Variants in MTMR6 observed in about 807,000 individuals in gnomAD.
MTMR6 encodes phosphatidylinositol-3,5-bisphosphate 3-phosphatase MTMR6.
A neutral mutation model predicts 80.1 loss-of-function variants in MTMR6; 47 were observed. That is an observed-to-expected ratio of 0.59 (90% CI 0.46 to 0.75). MTMR6 has a LOEUF of 0.75. MTMR6 is among the 30% of genes least tolerant of loss of function. MTMR6 has a pLI of 0.00. For missense variants in MTMR6, 629 were observed against 730.9 expected, an observed-to-expected ratio of 0.86 and a Z score of 1.61; for synonymous variants, 254 against 253.0, an observed-to-expected ratio of 1.00 and a Z score of -0.04.
In MTMR6 at chr13:25,251,880, T is replaced by C. The variant is rs764158169; in HGVS notation, c.1451A>G (p.Glu484Gly). 1.9e-6 allele frequency: 3 copies of C among 1,608,098 alleles called. No individual in the cohort carries two copies. The South Asian group carries it at 3.4e-5, about 18-fold the overall frequency. ...SSESHRFTVL[E>G]PNTVSFNFKF... ...AAAATTGAAAGATACTGTATTTGGC[T>C]CCAAAACTGTAAATCTGTGAGATTC... The change falls in exon 12 of 14, where the codon GAG becomes GGG. Residue 484 changes from glutamate to glycine, a missense_variant. Physicochemically the swap from Glu to Gly is moderately conservative, Grantham distance 98. Transcript: ENST00000381801. This position sits in a 1 kb window ranked among gnomAD's most constrained non-coding sequence, Gnocchi z 4.1.
chr13:25,274,933 T>TGGAC (rs142061315), intron 1 of MTMR6, among the ~76,000 whole-genome samples: 2 of 124,490 alleles, frequency 1.6e-5, no homozygotes, highest in African/African-American at 6.6e-5. Flanking sequence ...TGAATACTAG[T>TGGAC]AGACAGACAC....
At chr13:25,271,810 G>A (rs1957583323) in intron 2 of MTMR6, among the ~76,000 whole-genome samples, 1 of 152,138 alleles carries the variant, frequency 6.6e-6, no homozygotes, top group Admixed American at 6.5e-5. Context: ...GAAACACACT[G>A]TATATGCTCA....
Position 25,260,168 on chromosome 13 carries a change from ATTC to A in MTMR6, c.727-1479_727-1477del, listed in dbSNP as rs573689293. Among the ~76,000 whole-genome samples the A allele has an allele frequency of 6.2e-3, 909 of 146,564 alleles. 11 individuals are homozygous for A. Among genetic ancestry groups the A allele is most frequent in the African/African-American group, 0.021 (839 of 39,480 alleles). On this transcript the variant is annotated intron_variant, in intron 6 of 13. Coordinates refer to ENST00000381801, the MANE Select transcript of MTMR6 (RefSeq NM_004685.5). ...GTGAGCCACCATGTCCAGCCAGATA[ATTC>A]TTTTTTTTTTTTTTGAGACGGAGTT...
intron 2 of MTMR6, among the ~76,000 whole-genome samples, chr13:25,269,830 C>T (rs1434630000): frequency 6.6e-6 from 1 of 152,056 alleles, no homozygotes; most frequent in Non-Finnish European, 1.5e-5. Context: ...CACACACACA[C>T]ACATATATAG....
intron 2 of MTMR6, among the ~76,000 whole-genome samples, chr13:25,273,548 CAG>C (rs1957631391): frequency 7.5e-6 from 1 of 133,068 alleles, no homozygotes; most frequent in African/African-American, 2.8e-5. Flanking sequence ...TTTTTTGAGA[CAG>C]AGTCTCACAC....
chr13:25,258,522 T>C (rs377452003), intron 7 of MTMR6, 38 bp downstream of exon 7: 6 of 1,523,454 alleles, frequency 3.9e-6, no homozygotes, highest in Admixed American at 2.4e-5. Context: ...TAGATTTCTT[T>C]TGGACAAGGG....
intron 2 of MTMR6, 55 bp from the exon 3 acceptor site, chr13:25,267,996 T>C: frequency 1.4e-6 from 2 of 1,467,090 alleles, no homozygotes; most frequent in Non-Finnish European, 1.8e-6. Flanking sequence ...AAATATTCTC[T>C]TCTAGAATGC....
Position 25,253,965 on chromosome 13 carries a change from C to G in MTMR6, c.1146-1G>C, listed in dbSNP as rs764899538. On this transcript the variant is annotated splice_acceptor_variant, in intron 10 of 13. Coordinates refer to ENST00000381801, the MANE Select transcript of MTMR6 (RefSeq NM_004685.5). LOFTEE classifies it high-confidence loss of function. ...TGGGTCACCATCCAACTGGCCACAC[C>G]TAACCCCACAGAAAGTATAAGCTTT... 1 of 1,614,046 alleles carries G rather than the reference C, an allele frequency of 6.2e-7. No individual in the cohort carries two copies. Among genetic ancestry groups the G allele is most frequent in the Non-Finnish European group, 8.5e-7 (1 of 1,179,948 alleles).
Position 25,251,776 on chromosome 13 carries a change from C to G in MTMR6, c.1479-1G>C, listed in dbSNP as rs758271738. The G allele has an allele frequency of 6.2e-7, 1 of 1,606,480 alleles. No homozygotes were observed. The highest frequency in any genetic ancestry group is 8.5e-7 in the Non-Finnish European group (1 of 1,177,414). ...TTGATGGTACATGTTCCTCCAAAAC[C>G]TTTATGACAAAAAAAAGTTTCAATA... On this transcript the variant is annotated splice_acceptor_variant, in intron 12 of 13. Coordinates refer to ENST00000381801, the MANE Select transcript of MTMR6 (RefSeq NM_004685.5). LOFTEE classifies it high-confidence loss of function. The surrounding 1 kb of genome is among the most constrained non-coding windows in gnomAD (Gnocchi z 4.1).
intron 9 of MTMR6, among the ~76,000 whole-genome samples, chr13:25,255,926 T>C (rs1957197952): frequency 6.6e-6 from 1 of 152,224 alleles, no homozygotes; most frequent in Non-Finnish European, 1.5e-5. Flanking sequence ...TCATAAGTTA[T>C]CATAATAGTG....
intron 6 of MTMR6, among the ~76,000 whole-genome samples, chr13:25,258,927 T>C (rs974395558): frequency 6.6e-6 from 1 of 152,178 alleles, no homozygotes. Flanking sequence ...AAAGTTCCCA[T>C]AAGTTCATGA....
chr13:25,258,018 T>C (rs1957253205), intron 7 of MTMR6, among the ~76,000 whole-genome samples, 173 bp from the exon 8 acceptor site: 1 of 152,234 alleles, frequency 6.6e-6, no homozygotes, highest in Admixed American at 6.5e-5. Context: ...GATATATTTT[T>C]CTATTATTCC....
At position 25,265,818 on chromosome 13, in the gene MTMR6, C is replaced by G; in HGVS notation, c.591+1G>C. On this transcript the variant is annotated splice_donor_variant, in intron 5 of 13. Transcript: ENST00000381801. LOFTEE classifies it high-confidence loss of function. Reference sequence around the variant, plus strand: ...CTAAAATCAAAAGAAAAGCATCCTACCTCCTTATCTTGATGATAGTAGGAA... The same window carrying G: ...CTAAAATCAAAAGAAAAGCATCCTAGCTCCTTATCTTGATGATAGTAGGAA... 1 of 1,610,240 alleles carries G rather than the reference C, an allele frequency of 6.2e-7. No homozygotes were observed. The highest frequency in any genetic ancestry group is 1.1e-5 in the South Asian group (1 of 90,732).
rs1411835243 is a variant in MTMR6 at position 25,251,063 on chromosome 13, C to A, written c.1605+586G>T. Among the ~76,000 whole-genome samples the A allele has an allele frequency of 6.6e-6, 1 of 152,052 alleles. No homozygotes were observed. Among genetic ancestry groups the A allele is most frequent in the Non-Finnish European group, 1.5e-5 (1 of 68,018 alleles). The stretch of plus-strand genomic sequence containing the variant: ...ATGGAGTCTTGCTCTGTCACCCAGG[C>A]TGGAGTGCAGAGGCATGATCTTGGC... On this transcript the variant is annotated intron_variant, in intron 13 of 13. Transcript: ENST00000381801. The surrounding 1 kb of genome is among the most constrained non-coding windows in gnomAD (Gnocchi z 4.1).
chr13:25,272,112 G>A (rs1039067100), intron 2 of MTMR6, among the ~76,000 whole-genome samples: 2 of 152,086 alleles, frequency 1.3e-5, no homozygotes, highest in Non-Finnish European at 2.9e-5. Flanking sequence ...TCGTCTATAC[G>A]AAAACATAAA....
intron 1 of MTMR6, among the ~76,000 whole-genome samples, chr13:25,284,194 T>C (rs1359055253): frequency 6.6e-6 from 1 of 152,180 alleles, no homozygotes; most frequent in African/African-American, 2.4e-5. Context: ...TCTGAATTAA[T>C]ACTAATGCAC....
intron 2 of MTMR6, among the ~76,000 whole-genome samples, chr13:25,268,407 CACTG>C (rs1160693928): frequency 1.3e-5 from 2 of 152,210 alleles, no homozygotes; most frequent in African/African-American, 2.4e-5. Context: ...CTCTCCCGAT[CACTG>C]ACTATGTTCT....
intron 1 of MTMR6, among the ~76,000 whole-genome samples, chr13:25,281,660 T>C (rs1322770158): frequency 1.3e-5 from 2 of 152,184 alleles, no homozygotes; most frequent in Non-Finnish European, 2.9e-5. Flanking sequence ...GCACCATCAC[T>C]GTTCCTCTGG....
At chr13:25,265,422 C>G (rs1957434525) in intron 5 of MTMR6, among the ~76,000 whole-genome samples, 1 of 152,158 alleles carries the variant, frequency 6.6e-6, no homozygotes, top group South Asian at 2.1e-4. Context: ...CAGTGCTTCT[C>G]CATTAGCAAT....
Sources: gnomAD v4.1 joint callset for allele counts (sites outside exome capture counted in the v4.1 genomes callset) on GRCh38, gnomAD v4.1.1 for gene constraint, Gnocchi (gnomAD v3.1) non-coding constraint, MANE v1.5 for transcripts, NCBI Gene and HGNC (gene_info 2026-07-23, HGNC 2026-07-21) for gene names.